PUDP: variants seen among roughly 807,000 people sequenced by gnomAD.
PUDP encodes the protein pseudouridine 5'-phosphatase, also known as pseudouridine-5'-phosphatase.
Under a neutral mutation model 9.4 loss-of-function variants are expected in PUDP, and 8 were observed. The observed-to-expected ratio is 0.85, with a 90% confidence interval of 0.50 to 1.53. The LOEUF (loss-of-function observed/expected upper bound fraction) is 1.53, where lower values mean the gene tolerates loss of function less well. PUDP is among the 40% of genes most tolerant of loss of function. The probability of loss-of-function intolerance (pLI) is 0.00; values close to 1 mark genes in which losing one functional copy is unlikely to be tolerated. For synonymous variants in PUDP, 99 were observed against 80.7 expected, an observed-to-expected ratio of 1.23 and a Z score of -1.22; for missense variants, 188 against 189.7, an observed-to-expected ratio of 0.99 and a Z score of 0.05.
At chrX:7,131,831 GC>G (rs1159916927) in intron 1 of PUDP, among the ~76,000 whole-genome samples, 4 of 105,285 alleles carry the variant, frequency 3.8e-5, no homozygotes, top group Non-Finnish European at 5.8e-5. Context: ...GCCGCCATCT[GC>G]CCTTGGCAGG....
At chrX:6,933,369 C>T (rs910895268) in intron 3 of PUDP, among the ~76,000 whole-genome samples, 12 of 111,729 alleles carry the variant, frequency 1.1e-4, no homozygotes, top group Non-Finnish European at 1.9e-4. Flanking sequence ...GATACCCAGG[C>T]AAACAGGTCT....
At chrX:6,742,030 C>T (rs1924946901) in intron 3 of PUDP, among the ~76,000 whole-genome samples, 1 of 110,490 alleles carries the variant, frequency 9.1e-6, no homozygotes. Flanking sequence ...TAATTTGCTA[C>T]TTTTGTAGAG....
At chrX:6,814,182 T>C (rs996630936) in intron 3 of PUDP, among the ~76,000 whole-genome samples, 18 of 111,515 alleles carry the variant, frequency 1.6e-4, no homozygotes, top group African/African-American at 5.9e-4. Context: ...CCAGGTTTCT[T>C]TTTTACTGAA....
chrX:6,850,213 T>C (rs1716814127), intron 3 of PUDP, among the ~76,000 whole-genome samples: 1 of 111,934 alleles, frequency 8.9e-6, no homozygotes, highest in African/African-American at 3.2e-5. Flanking sequence ...ACAAACACTT[T>C]CACTACATGC....
intron 1 of PUDP, among the ~76,000 whole-genome samples, chrX:7,125,609 A>G (rs1034889567): frequency 4.5e-5 from 5 of 111,707 alleles, no homozygotes; most frequent in African/African-American, 1.6e-4. Flanking sequence ...TTCTATCTGT[A>G]TCAGTCATTT....
intron 1 of PUDP, among the ~76,000 whole-genome samples, chrX:7,001,646 G>T (rs1263147908): frequency 9.0e-6 from 1 of 111,361 alleles, no homozygotes; most frequent in East Asian, 2.8e-4. Context: ...GAAAAGAATC[G>T]AGATCAGAGA....
intron 1 of PUDP, among the ~76,000 whole-genome samples, chrX:6,991,016 A>T (rs1929169113): frequency 1.8e-5 from 2 of 112,000 alleles, no homozygotes; most frequent in Non-Finnish European, 3.8e-5. Flanking sequence ...TTTCATTCCC[A>T]CGGGAGCATG....
chrX:6,738,833 A>G (rs1924903236), intron 3 of PUDP, among the ~76,000 whole-genome samples: 1 of 112,089 alleles, frequency 8.9e-6, no homozygotes, highest in Non-Finnish European at 1.9e-5. Flanking sequence ...AAACCCAGGG[A>G]ATTTGATTAC....
At chrX:7,047,172 T>C (rs1235579604), downstream of PUDP, among the ~76,000 whole-genome samples, 1 of 111,833 alleles carries the variant, frequency 8.9e-6, no homozygotes, top group Non-Finnish European at 1.9e-5. Context: ...AACACAATGA[T>C]CTCACTGCGA....
chrX:6,849,244 G>A (rs1462702311), intron 3 of PUDP, among the ~76,000 whole-genome samples: 1 of 112,408 alleles, frequency 8.9e-6, no homozygotes, highest in East Asian at 2.8e-4. Context: ...AGAAGGGAAA[G>A]TGGGTCATGC....
intron 3 of PUDP, among the ~76,000 whole-genome samples, chrX:6,860,773 G>C (rs1457296003): frequency 1.8e-5 from 2 of 112,310 alleles, no homozygotes; most frequent in Non-Finnish European, 3.8e-5. Context: ...CGCCCAGCCA[G>C]CCCATGTTCT....
intron 3 of PUDP, among the ~76,000 whole-genome samples, chrX:6,750,915 A>G (rs890033965): frequency 9.0e-6 from 1 of 111,258 alleles, no homozygotes; most frequent in Non-Finnish European, 1.9e-5. Flanking sequence ...CGAGGCGGGC[A>G]GATCACAAGG....
chrX:7,109,461 G>A (rs1319591954), intron 1 of PUDP, among the ~76,000 whole-genome samples: 1 of 112,088 alleles, frequency 8.9e-6, no homozygotes, highest in Non-Finnish European at 1.9e-5. Context: ...GCGAGTGTGC[G>A]AACAGGAAGA....
At chrX:6,800,919 C>T (rs890320083) in intron 3 of PUDP, among the ~76,000 whole-genome samples, 2 of 111,582 alleles carry the variant, frequency 1.8e-5, no homozygotes, top group African/African-American at 6.5e-5. Context: ...TCTCCATCTT[C>T]GCTGACTACA....
intron 1 of PUDP, among the ~76,000 whole-genome samples, chrX:7,015,935 G>A (rs1386892291): frequency 1.8e-5 from 2 of 110,511 alleles, no homozygotes; most frequent in African/African-American, 3.3e-5. Context: ...ATTAGAGTCC[G>A]ATTTTTAGGT....
chrX:7,002,104 CA>C (rs1256078998), intron 1 of PUDP, among the ~76,000 whole-genome samples: 2 of 110,227 alleles, frequency 1.8e-5, no homozygotes, highest in African/African-American at 6.7e-5. Context: ...GTCTAGAAAT[CA>C]ATATAAAAAA....
chrX:7,072,845 C>G (rs1380831353), intron 3 of PUDP, among the ~76,000 whole-genome samples: 2 of 109,383 alleles, frequency 1.8e-5, no homozygotes, highest in East Asian at 5.7e-4. Flanking sequence ...AACTGATTTC[C>G]GATTTCTGGT....
At chrX:6,919,037 G>A (rs1488724450) in intron 3 of PUDP, among the ~76,000 whole-genome samples, 5 of 111,470 alleles carry the variant, frequency 4.5e-5, no homozygotes, top group South Asian at 3.8e-4. Context: ...AACAACTTTC[G>A]ACCCCTAGTG....
At chrX:7,083,542 C>T (rs1401025263) in intron 2 of PUDP, among the ~76,000 whole-genome samples, 1 of 111,256 alleles carries the variant, frequency 9.0e-6, no homozygotes, top group Non-Finnish European at 1.9e-5. Context: ...GTCTGGGATG[C>T]GGTTCAAGAC....
Sources: allele counts gnomAD v4.1 joint callset (sites outside exome capture counted in the v4.1 genomes callset), GRCh38; gene constraint gnomAD v4.1.1; transcripts MANE v1.5; gene names NCBI Gene and HGNC (gene_info 2026-07-23, HGNC 2026-07-21).